PSD3: variants seen among roughly 807,000 people sequenced by gnomAD.
PSD3 encodes pleckstrin and Sec7 domain containing 3.
A neutral mutation model predicts 105.5 loss-of-function variants in PSD3; 49 were observed. The observed-to-expected ratio is 0.46, with a 90% confidence interval of 0.37 to 0.59. The LOEUF (loss-of-function observed/expected upper bound fraction) is 0.59, where lower values mean the gene tolerates loss of function less well. Ranked by LOEUF, PSD3 falls within the 20% of genes least tolerant of loss-of-function variation. The pLI, the probability that PSD3 is intolerant of heterozygous loss-of-function variation, is 0.00. For synonymous variants in PSD3, 557 were observed against 457.8 expected (o/e 1.22, Z -2.77); for missense variants, 1,561 against 1,263.8 (o/e 1.24, Z -3.57).
intron 1 of PSD3, among the ~76,000 whole-genome samples, chr8:19,039,816 G>A (rs1338577532): frequency 6.6e-6 from 1 of 152,192 alleles, no homozygotes; most frequent in African/African-American, 2.4e-5. Context: ...GGGAAATAGT[G>A]GAGAATGAAG....
chr8:19,062,477 G>A (rs1344552761), intron 1 of PSD3, among the ~76,000 whole-genome samples: 1 of 152,106 alleles, frequency 6.6e-6, no homozygotes, highest in Non-Finnish European at 1.5e-5. Context: ...AACAGCAAGA[G>A]ACCACTGTTT....
chr8:18,616,754 G>T (rs1180292665), intron 11 of PSD3, among the ~76,000 whole-genome samples: 1 of 149,518 alleles, frequency 6.7e-6, no homozygotes, highest in Non-Finnish European at 1.5e-5. Context: ...CTCCCAAGTA[G>T]CTGGGACTAC....
intron 4 of PSD3, among the ~76,000 whole-genome samples, chr8:18,815,670 T>C (rs1812158110): frequency 6.6e-6 from 1 of 152,150 alleles, no homozygotes; most frequent in African/African-American, 2.4e-5. Flanking sequence ...CGTTGCTGTG[T>C]TTCTCTTTGG....
intron 14 of PSD3, among the ~76,000 whole-genome samples, chr8:18,567,313 T>A (rs1222940019): frequency 6.6e-6 from 1 of 152,112 alleles, no homozygotes; most frequent in Non-Finnish European, 1.5e-5. Context: ...CCTCCCCTTA[T>A]ATCGTGTAAT....
In PSD3 at chr8:18,799,433, A is replaced by C. The variant is rs1159833111; in HGVS notation, c.2024-80T>G. 4 of 1,105,542 alleles carry C rather than the reference A, an allele frequency of 3.6e-6. No individual in the cohort carries two copies. In the African/African-American group the frequency reaches 4.6e-5, roughly 13 times the overall value. The allele number at this position is 1,105,542 out of a possible 1,614,324, so 68.5% of individuals were successfully genotyped here. ...CACCTTATTATCACTAATAGGATAC[A>C]CTCAGAACCTATGAAAACAGTACTG... is the stretch of plus-strand genomic sequence containing the variant. On this transcript the variant is annotated intron_variant, in intron 7 of 15. Transcript: ENST00000327040.
At chr8:18,879,076 A>ACACACG (rs1035255845) in intron 2 of PSD3, among the ~76,000 whole-genome samples, 1 of 150,816 alleles carries the variant, frequency 6.6e-6, no homozygotes, top group African/African-American at 2.4e-5. Context: ...ACACACACAC[A>ACACACG]CACACACACA....
chr8:18,579,501 T>A (rs918528232), intron 12 of PSD3, among the ~76,000 whole-genome samples: 6 of 152,170 alleles, frequency 3.9e-5, no homozygotes, highest in African/African-American at 1.4e-4. Context: ...GCAATCTACA[T>A]CGTTTTATGT....
In PSD3 at chr8:18,533,040, T is replaced by C. The variant is rs928066125; in HGVS notation, c.*2703A>G. The stretch of plus-strand genomic sequence containing the variant: ...AAGGGGTGCTCCCTTGTACCGTGAA[T>C]TGGGCAACAGGCTTGGAGCAGCTGT... On this transcript the variant is annotated 3_prime_UTR_variant, in exon 16 of 16. Coordinates refer to ENST00000327040, the MANE Select transcript of PSD3 (RefSeq NM_015310.4). 6.6e-6 allele frequency: 1 copy of C among 152,222 alleles called. No homozygotes were observed. Among genetic ancestry groups the C allele is most frequent in the Non-Finnish European group, 1.5e-5 (1 of 68,056 alleles). 9.4% of individuals were successfully genotyped at this position (152,222 alleles called of 1,614,324 possible). A position where few individuals can be genotyped will look rare whatever the true frequency, so the allele number is the denominator to read the frequency against.
chr8:18,952,828 G>A (rs1312795603), intron 1 of PSD3, among the ~76,000 whole-genome samples: 2 of 152,136 alleles, frequency 1.3e-5, no homozygotes, highest in Admixed American at 1.3e-4. Context: ...TCTAATTCTT[G>A]TAAGAATCCA....
chr8:18,918,320 C>T (rs1277706316), intron 2 of PSD3, among the ~76,000 whole-genome samples: 1 of 152,186 alleles, frequency 6.6e-6, no homozygotes, highest in East Asian at 1.9e-4. Context: ...GCTCAGATCT[C>T]AGATGTCACC....
At chr8:18,677,806 C>G (rs1302212733) in intron 9 of PSD3, among the ~76,000 whole-genome samples, 2 of 152,150 alleles carry the variant, frequency 1.3e-5, no homozygotes, top group East Asian at 1.9e-4. Flanking sequence ...GTCAGGAGAT[C>G]AAAACCATCC....
At chr8:18,893,932 GTTC>G (rs1272358229) in intron 2 of PSD3, among the ~76,000 whole-genome samples, 2 of 152,172 alleles carry the variant, frequency 1.3e-5, no homozygotes, top group Non-Finnish European at 2.9e-5. Flanking sequence ...TTCACCCGCT[GTTC>G]TTCTTATTTC....
chr8:18,677,063 T>C (rs1031341796), intron 9 of PSD3, among the ~76,000 whole-genome samples: 1 of 152,218 alleles, frequency 6.6e-6, no homozygotes, highest in Non-Finnish European at 1.5e-5. Context: ...GAAATATCAC[T>C]CTATCAGGAG....
chr8:18,768,264 C>A (rs1017665948), intron 8 of PSD3, among the ~76,000 whole-genome samples: 1 of 150,478 alleles, frequency 6.6e-6, no homozygotes, highest in African/African-American at 2.5e-5. Context: ...CCAGCCTGAG[C>A]GACAGAGAGA....
chr8:18,600,542 A>C (rs1804360439), intron 11 of PSD3, 108 bp from the exon 12 acceptor site: 2 of 924,042 alleles, frequency 2.2e-6, no homozygotes, highest in Admixed American at 2.6e-5. Flanking sequence ...CTAGCTACCG[A>C]AAGTAATAAC....
chr8:18,883,747 C>T (rs1020317892), intron 2 of PSD3, among the ~76,000 whole-genome samples: 2 of 152,136 alleles, frequency 1.3e-5, no homozygotes, highest in African/African-American at 4.8e-5. Context: ...GAAATTCAGT[C>T]TGATAAGATA....
intron 2 of PSD3, among the ~76,000 whole-genome samples, chr8:18,906,514 T>A (rs1169677065): frequency 6.6e-6 from 1 of 152,168 alleles, no homozygotes; most frequent in Non-Finnish European, 1.5e-5. Flanking sequence ...ATGTTACTAC[T>A]TGCTAGGAAG....
At chr8:18,812,272 T>G (rs981368013) in intron 4 of PSD3, among the ~76,000 whole-genome samples, 1 of 152,218 alleles carries the variant, frequency 6.6e-6, no homozygotes, top group South Asian at 2.1e-4. Context: ...GAGAAACACC[T>G]GTGAGCTCAC....
chr8:18,616,744 C>T (rs1053108284), intron 11 of PSD3, among the ~76,000 whole-genome samples: 3 of 149,126 alleles, frequency 2.0e-5, no homozygotes, highest in Admixed American at 2.0e-4. Context: ...CTGCCTCAGC[C>T]TCCCAAGTAG....
Sources: allele counts gnomAD v4.1 joint callset (sites outside exome capture counted in the v4.1 genomes callset), GRCh38; gene constraint gnomAD v4.1.1; transcripts MANE v1.5; gene names NCBI Gene and HGNC (gene_info 2026-07-23, HGNC 2026-07-21).